The following TCF4 variants were observed in gnomAD, a reference collection of about 807,000 sequenced individuals.
TCF4 encodes SL3-3 enhancer factor 2.
In TCF4, 3 loss-of-function variants were observed where a neutral mutation model predicts 82.1. That is an observed-to-expected ratio of 0.04 (90% CI 0.02 to 0.09). The LOEUF is 0.09. Among genes scored for constraint, TCF4 ranks in the 10% least tolerant of loss-of-function variants. The pLI is 1.00. For synonymous variants in TCF4, 276 were observed against 309.6 expected (o/e 0.89, Z 1.14); for missense variants, 518 against 852.7 (o/e 0.61, Z 4.89).
intron 3 of TCF4, among the ~76,000 whole-genome samples, chr18:55,487,518 A>G (rs1412772263): frequency 6.6e-6 from 1 of 152,232 alleles, no homozygotes; most frequent in East Asian, 1.9e-4. Context: ...TTTGTCACAA[A>G]AAGAAAACAG....
chr18:55,576,141 A>G (rs2097526375), intron 3 of TCF4, among the ~76,000 whole-genome samples: 1 of 152,192 alleles, frequency 6.6e-6, no homozygotes, highest in South Asian at 2.1e-4. Flanking sequence ...TTTGAGGTGC[A>G]GCCTTTAAGA....
At chr18:55,421,165 A>C (rs893059778) in intron 5 of TCF4, among the ~76,000 whole-genome samples, 1 of 152,116 alleles carries the variant, frequency 6.6e-6, no homozygotes, top group African/African-American at 2.4e-5. Context: ...GAGCCACCAT[A>C]ATCTTTAGAC....
At chr18:55,350,615 G>C (rs370954445) in intron 7 of TCF4, among the ~76,000 whole-genome samples, 1 of 152,002 alleles carries the variant, frequency 6.6e-6, no homozygotes, top group African/African-American at 2.4e-5. Context: ...TTGCTACTTT[G>C]ATCTTTTAAT....
intron 5 of TCF4, among the ~76,000 whole-genome samples, chr18:55,417,879 C>T (rs147448073): frequency 1.1e-3 from 168 of 152,006 alleles, no homozygotes; most frequent in African/African-American, 3.6e-3. Flanking sequence ...CCAAAGAATT[C>T]TCGGGGGAGA....
At chr18:55,545,598 AC>A (rs1343111149) in intron 3 of TCF4, among the ~76,000 whole-genome samples, 2 of 151,982 alleles carry the variant, frequency 1.3e-5, no homozygotes, top group African/African-American at 2.4e-5. Flanking sequence ...ACAGGTGCCC[AC>A]CACCACACCT....
At chr18:55,378,887 C>G (rs906729736) in intron 6 of TCF4, among the ~76,000 whole-genome samples, 2 of 152,200 alleles carry the variant, frequency 1.3e-5, no homozygotes, top group Admixed American at 1.3e-4. Flanking sequence ...AAAGAGAAGA[C>G]GTAGGGAACT....
rs1427373405 is a variant in TCF4, at chr18:55,620,291, AT to A, written c.286+11006del. On this transcript the variant is annotated intron_variant, in intron 2 of 20. Transcript: ENST00000398339. ...CTAATACAAGGACCTAACTTTTAAA[AT>A]TTGTTAAGTGGGACCAAATCTGTGC... is the stretch of plus-strand genomic sequence containing the variant. Among the ~76,000 whole-genome samples the A allele has an allele frequency of 7.2e-5, 11 of 152,278 alleles. No individual in the cohort carries two copies. The East Asian group carries it at 2.1e-3, about 29-fold the overall frequency.
intron 2 of TCF4, among the ~76,000 whole-genome samples, chr18:55,616,993 C>T (rs909348826): frequency 6.6e-6 from 1 of 152,028 alleles, no homozygotes; most frequent in African/African-American, 2.4e-5. Context: ...GCTGTCATAT[C>T]TAATAAATCA....
intron 5 of TCF4, among the ~76,000 whole-genome samples, chr18:55,420,912 A>G (rs926641372): frequency 5.3e-5 from 8 of 151,934 alleles, no homozygotes; most frequent in South Asian, 4.1e-4. Context: ...AAAAAAAAAA[A>G]AAAGAAACAT....
At chr18:55,357,569 G>C (rs2145053229) in intron 6 of TCF4, among the ~76,000 whole-genome samples, 1 of 152,260 alleles carries the variant, frequency 6.6e-6, no homozygotes, top group East Asian at 1.9e-4. Flanking sequence ...ATATAAACAA[G>C]TAGCTATAAT....
intron 2 of TCF4, among the ~76,000 whole-genome samples, chr18:55,619,050 A>G (rs1488162383): frequency 6.6e-6 from 1 of 151,916 alleles, no homozygotes; most frequent in Non-Finnish European, 1.5e-5. Flanking sequence ...ATTCCTTCCT[A>G]TATCATTTAA....
At chr18:55,234,387 G>C (rs138593876) in intron 16 of TCF4, 161 bp downstream of exon 16, 1 of 932,750 alleles carries the variant, frequency 1.1e-6, no homozygotes, top group African/African-American at 1.6e-5. Context: ...ATTAGCGGGC[G>C]AAGTTCTAAA....
At chr18:55,614,298 G>A (rs1172967089) in intron 2 of TCF4, among the ~76,000 whole-genome samples, 1 of 152,166 alleles carries the variant, frequency 6.6e-6, no homozygotes, top group African/African-American at 2.4e-5. Flanking sequence ...TAGAATGAGT[G>A]CTATATATGG....
At chr18:55,480,752 C>T (rs1351658661) in intron 3 of TCF4, among the ~76,000 whole-genome samples, 1 of 152,208 alleles carries the variant, frequency 6.6e-6, no homozygotes, top group Non-Finnish European at 1.5e-5. Context: ...CCTAGTATCA[C>T]AGTGGTGGGG....
chr18:55,339,447 A>G (rs1261936954), intron 8 of TCF4, among the ~76,000 whole-genome samples: 1 of 152,222 alleles, frequency 6.6e-6, no homozygotes, highest in East Asian at 1.9e-4. Context: ...GGCAATGACT[A>G]CAAATGAGGG....
At chr18:55,459,361 G>C (rs1295281013) in intron 5 of TCF4, among the ~76,000 whole-genome samples, 2 of 152,194 alleles carry the variant, frequency 1.3e-5, no homozygotes, top group African/African-American at 2.4e-5. Context: ...GTACTGCTTG[G>C]TGTATTCTGT....
chr18:55,332,079 G>A (rs1396232117), intron 8 of TCF4: 1 of 152,040 alleles, frequency 6.6e-6, no homozygotes, highest in African/African-American at 2.4e-5. Context: ...TGTTTCAAAT[G>A]TTCTTTAATT....
rs573513634 is a variant in TCF4 at position 55,553,887 on chromosome 18, G to A, written c.145+31393C>T. Among the ~76,000 whole-genome samples the A allele has an allele frequency of 3.4e-4, 51 of 152,130 alleles. No homozygotes were observed. The East Asian group carries it at 9.6e-3, about 29-fold the overall frequency. ...TTTTCCACTTACTTTAAGAGAAAGA[G>A]AAAGGTATGTAAAAGATGATAGTCT... On this transcript the variant is annotated intron_variant, in intron 3 of 19. Coordinates refer to ENST00000354452, the MANE Select transcript of TCF4 (RefSeq NM_001083962.2).
At chr18:55,409,045 A>G (rs1035939634) in intron 5 of TCF4, among the ~76,000 whole-genome samples, 1 of 152,220 alleles carries the variant, frequency 6.6e-6, no homozygotes, top group Admixed American at 6.5e-5. Flanking sequence ...AACTGCCACC[A>G]TCTCCGCACA....
Sources: gnomAD v4.1 joint callset for allele counts (sites outside exome capture counted in the v4.1 genomes callset) on GRCh38, gnomAD v4.1.1 for gene constraint, MANE v1.5 for transcripts, NCBI Gene and HGNC (gene_info 2026-07-23, HGNC 2026-07-21) for gene names.